The following NDUFAF2 variants were observed in gnomAD, a reference collection of about 807,000 sequenced individuals.
The protein encoded by NDUFAF2 is NADH dehydrogenase [ubiquinone] 1 alpha subcomplex assembly factor 2.
In NDUFAF2, 13 loss-of-function variants were observed where a neutral mutation model predicts 22.8. The ratio of observed to expected loss-of-function variants is 0.57; its 90% CI spans 0.37 to 0.91. The LOEUF is 0.91. Ranked by LOEUF, NDUFAF2 falls within the 40% of genes least tolerant of loss-of-function variation. The pLI is 0.01. For missense variants in NDUFAF2, 162 were observed against 195.2 expected, an observed-to-expected ratio of 0.83 and a Z score of 1.01; for synonymous variants, 53 against 64.2, an observed-to-expected ratio of 0.83 and a Z score of 0.84.
intron 1 of NDUFAF2, among the ~76,000 whole-genome samples, chr5:61,063,376 C>T (rs1349255163): frequency 6.6e-6 from 1 of 150,968 alleles, no homozygotes; most frequent in Admixed American, 6.6e-5. Context: ...GGTGTTGTGG[C>T]ACACACAAGC....
chr5:60,953,852 T>G (rs1750580042), intron 1 of NDUFAF2, among the ~76,000 whole-genome samples: 1 of 152,220 alleles, frequency 6.6e-6, no homozygotes, highest in East Asian at 1.9e-4. Context: ...TAACAGTGTT[T>G]TGGCTTTAAT....
intron 1 of NDUFAF2, among the ~76,000 whole-genome samples, chr5:60,983,684 C>T (rs1468327656): frequency 6.6e-6 from 1 of 150,938 alleles, no homozygotes; most frequent in Non-Finnish European, 1.5e-5. Flanking sequence ...TTGTTTTTGT[C>T]AGGTTTGTCA....
At chr5:61,101,722 T>G (rs1380536161) in intron 3 of NDUFAF2, among the ~76,000 whole-genome samples, 1 of 152,126 alleles carries the variant, frequency 6.6e-6, no homozygotes, top group Non-Finnish European at 1.5e-5. Context: ...AGAATGTCAT[T>G]TACAACAGTA....
intron 2 of NDUFAF2, among the ~76,000 whole-genome samples, chr5:61,080,915 G>A (rs1246558805): frequency 6.6e-6 from 1 of 151,970 alleles, no homozygotes; most frequent in Non-Finnish European, 1.5e-5. Flanking sequence ...AATGTTGTAT[G>A]AAAGAAATCT....
intron 1 of NDUFAF2, among the ~76,000 whole-genome samples, chr5:60,995,381 G>A (rs1751215818): frequency 6.6e-6 from 1 of 152,216 alleles, no homozygotes; most frequent in African/African-American, 2.4e-5. Flanking sequence ...AGCTGTATCT[G>A]CTTTAAGGGG....
At chr5:61,148,829 T>C (rs1170098859) in intron 3 of NDUFAF2, among the ~76,000 whole-genome samples, 1 of 152,194 alleles carries the variant, frequency 6.6e-6, no homozygotes, top group Non-Finnish European at 1.5e-5. Context: ...ATAAACAAGA[T>C]TCAATTTTTA....
intron 1 of NDUFAF2, among the ~76,000 whole-genome samples, chr5:61,008,084 C>T (rs912402814): frequency 7.1e-6 from 1 of 140,364 alleles, no homozygotes; most frequent in African/African-American, 2.7e-5. Flanking sequence ...TTCTCACTCA[C>T]AGGTGGGAAT....
At chr5:61,138,083 A>C (rs529342969) in intron 3 of NDUFAF2, among the ~76,000 whole-genome samples, 25 of 152,354 alleles carry the variant, frequency 1.6e-4, no homozygotes, top group Non-Finnish European at 3.4e-4. Flanking sequence ...CACAGCATTC[A>C]CTGCAGCTGG....
intron 2 of NDUFAF2, among the ~76,000 whole-genome samples, chr5:61,076,326 T>G (rs921037590): frequency 6.6e-6 from 1 of 152,068 alleles, no homozygotes; most frequent in African/African-American, 2.4e-5. Flanking sequence ...TGCCCGCCTC[T>G]GCCTCCCAAA....
chr5:61,101,899 T>C (rs769711272), intron 3 of NDUFAF2, among the ~76,000 whole-genome samples: 4 of 152,168 alleles, frequency 2.6e-5, no homozygotes, highest in Non-Finnish European at 4.4e-5. Context: ...TATTCATTCT[T>C]CCCAAACTGA....
intron 1 of NDUFAF2, among the ~76,000 whole-genome samples, chr5:60,979,014 C>T (rs1003871035): frequency 1.3e-5 from 2 of 152,170 alleles, no homozygotes; most frequent in Non-Finnish European, 2.9e-5. Context: ...CTGAGACCTC[C>T]ATTTCAGGTT....
chr5:61,045,528 G>A (rs182153711), intron 1 of NDUFAF2, among the ~76,000 whole-genome samples: 120 of 151,166 alleles, frequency 7.9e-4, no homozygotes, highest in African/African-American at 2.7e-3. Flanking sequence ...TTTTAGAGAC[G>A]GGGTCTCGCT....
chr5:61,152,538 A>T (rs1239156537), intron 3 of NDUFAF2, among the ~76,000 whole-genome samples, 166 bp from the exon 4 acceptor site: 1 of 152,148 alleles, frequency 6.6e-6, no homozygotes, highest in Non-Finnish European at 1.5e-5. Flanking sequence ...GTATGTAATC[A>T]TACAGCTTTT....
At chr5:61,112,219 C>CCT (rs1554083607) in intron 3 of NDUFAF2, among the ~76,000 whole-genome samples, 26 of 132,140 alleles carry the variant, frequency 2.0e-4, no homozygotes, top group African/African-American at 6.5e-4. Context: ...ATCCCCCCCC[C>CCT]TTTTTTTTTT....
intron 1 of NDUFAF2, among the ~76,000 whole-genome samples, chr5:61,005,184 A>G (rs1383724607): frequency 1.3e-5 from 2 of 152,006 alleles, no homozygotes; most frequent in East Asian, 1.9e-4. Flanking sequence ...AAGAAAATGC[A>G]GTGATTGGTT....
chr5:61,043,964 C>A (rs899516210), intron 1 of NDUFAF2, among the ~76,000 whole-genome samples: 2 of 152,126 alleles, frequency 1.3e-5, no homozygotes, highest in African/African-American at 2.4e-5. Flanking sequence ...AATTTACATT[C>A]CCACCAACAG....
intron 1 of NDUFAF2, among the ~76,000 whole-genome samples, chr5:60,962,856 A>C (rs1240842737): frequency 6.6e-6 from 1 of 151,776 alleles, no homozygotes; most frequent in Non-Finnish European, 1.5e-5. Context: ...GGAGAGACTG[A>C]CTTATAAACA....
chr5:61,092,394 G>A (rs1356428161), intron 2 of NDUFAF2, among the ~76,000 whole-genome samples: 2 of 152,030 alleles, frequency 1.3e-5, no homozygotes, highest in Non-Finnish European at 2.9e-5. Flanking sequence ...TGATTTTTGG[G>A]CAGTGGTTTG....
intron 3 of NDUFAF2, among the ~76,000 whole-genome samples, chr5:61,136,005 T>TATATATATATATATA (rs1411594766): frequency 1.0e-5 from 1 of 96,028 alleles, no homozygotes; most frequent in South Asian, 3.6e-4. Flanking sequence ...AAGCCTGTCT[T>TATATATATATATATA]TATATATATA....
Sources: gnomAD v4.1 joint callset for allele counts (sites outside exome capture counted in the v4.1 genomes callset) on GRCh38, gnomAD v4.1.1 for gene constraint, MANE v1.5 for transcripts, NCBI Gene and HGNC (gene_info 2026-07-23, HGNC 2026-07-21) for gene names.